Variants in ATP8A2 observed in about 807,000 individuals in gnomAD.
ATP8A2 encodes the protein ATPase phospholipid transporting 8A2.
Under a neutral mutation model 165.6 loss-of-function variants are expected in ATP8A2, and 100 were observed. The observed-to-expected ratio is 0.60, with a 90% CI of 0.51 to 0.71. The LOEUF is 0.71. ATP8A2 is among the 30% of genes least tolerant of loss of function. ATP8A2 has a pLI of 0.00. For missense variants in ATP8A2, 1,227 were observed against 1,479.5 expected (o/e 0.83, Z 2.80); for synonymous variants, 543 against 548.8 (o/e 0.99, Z 0.15).
intron 20 of ATP8A2, 50 bp downstream of exon 20, chr13:25,577,188 T>TAACA: frequency 1.4e-6 from 2 of 1,446,510 alleles, no homozygotes; most frequent in Non-Finnish European, 1.9e-6. Flanking sequence ...GCAGCTTTGT[T>TAACA]AATCTGCCGC....
At chr13:25,869,785 G>C (rs548668698) in intron 33 of ATP8A2, among the ~76,000 whole-genome samples, 35 of 152,320 alleles carry the variant, frequency 2.3e-4, no homozygotes, top group African/African-American at 8.2e-4. Flanking sequence ...TGGGCAGGCT[G>C]TGGGGTTCTG....
intron 1 of ATP8A2, among the ~76,000 whole-genome samples, chr13:25,427,530 G>T (rs1200841640): frequency 1.3e-5 from 2 of 151,936 alleles, no homozygotes; most frequent in African/African-American, 4.8e-5. Flanking sequence ...GGTCCCTGGT[G>T]CCAAAAAGGT....
chr13:25,720,089 A>G (rs1228406301), intron 25 of ATP8A2, among the ~76,000 whole-genome samples: 3 of 151,508 alleles, frequency 2.0e-5, no homozygotes, highest in African/African-American at 7.3e-5. Flanking sequence ...GAATTCTTGT[A>G]TAAAGTTACC....
chr13:25,570,264 G>T (rs75023461), intron 16 of ATP8A2, among the ~76,000 whole-genome samples: 1 of 152,234 alleles, frequency 6.6e-6, no homozygotes, highest in African/African-American at 2.4e-5. Flanking sequence ...TGTTTATGGG[G>T]CCTGAGGTAC....
chr13:25,902,388 A>T (rs1030791912), intron 33 of ATP8A2, among the ~76,000 whole-genome samples: 3 of 152,146 alleles, frequency 2.0e-5, no homozygotes, highest in African/African-American at 7.2e-5. Context: ...ATTTGTCCAA[A>T]TGACGGGTGT....
At chr13:25,832,087 G>A (rs1471267437) in intron 28 of ATP8A2, among the ~76,000 whole-genome samples, 1 of 151,682 alleles carries the variant, frequency 6.6e-6, no homozygotes, top group Non-Finnish European at 1.5e-5. Context: ...TTACAGGTGC[G>A]CACCACCACG....
chr13:25,378,591 G>A (rs913072229), intron 1 of ATP8A2, among the ~76,000 whole-genome samples: 1 of 152,130 alleles, frequency 6.6e-6, no homozygotes, highest in Non-Finnish European at 1.5e-5. Context: ...TTCAGAGTTG[G>A]TTAGTATGAG....
At chr13:25,435,912 C>CGTGTGT (rs148040890) in intron 1 of ATP8A2, among the ~76,000 whole-genome samples, 1 of 56,710 alleles carries the variant, frequency 1.8e-5, no homozygotes, top group Admixed American at 2.0e-4. Context: ...GAAAAAGCAT[C>CGTGTGT]GTGTGTGTGT....
At chr13:25,705,041 G>T in intron 25 of ATP8A2, 1 of 266,282 alleles carries the variant, frequency 3.8e-6, no homozygotes, top group Non-Finnish European at 7.3e-6. Context: ...AGTCTTGTAG[G>T]ATTTGTCATT....
In ATP8A2 at chr13:25,414,158, G is replaced by A. The variant is rs958086522; in HGVS notation, c.76+41870G>A. Among the ~76,000 whole-genome samples the A allele has an allele frequency of 7.3e-5, 11 of 150,058 alleles. 1 individual carries two copies. Among genetic ancestry groups the A allele is most frequent in the East Asian group, 5.8e-4 (3 of 5,142 alleles). ...TGATTACAACCTGGCACTTGACTCC[G>A]TGACTATCTTATCACAAGGGCTGTG... On this transcript the variant is annotated intron_variant, in intron 1 of 36. Transcript: ENST00000381655.
chr13:25,490,108 A>C (rs1222404177), intron 2 of ATP8A2, among the ~76,000 whole-genome samples: 1 of 152,156 alleles, frequency 6.6e-6, no homozygotes, highest in Non-Finnish European at 1.5e-5. Context: ...GGTATATTTG[A>C]GTAAGGGAAG....
chr13:25,975,817 T>G (rs1038838073), intron 35 of ATP8A2, among the ~76,000 whole-genome samples: 1 of 152,166 alleles, frequency 6.6e-6, no homozygotes, highest in East Asian at 1.9e-4. Flanking sequence ...TCTCTAAATA[T>G]TCCACGAGAC....
Position 25,737,080 on chromosome 13 carries a change from A to C in ATP8A2, c.2385-31966A>C, listed in dbSNP as rs150556403. Among the ~76,000 whole-genome samples the C allele has an allele frequency of 1.2e-3, 184 of 152,200 alleles. 3 individuals are homozygous for C. The East Asian group carries it at 0.031, about 26-fold the overall frequency. ...TTTTAGTGGAGGGTGGGGCAGAAGG[A>C]ATTTTAAGAGTGAACAAGAGGCAAG... On this transcript the variant is annotated intron_variant, in intron 25 of 36. Coordinates refer to ENST00000381655, the MANE Select transcript of ATP8A2 (RefSeq NM_016529.6).
intron 16 of ATP8A2, among the ~76,000 whole-genome samples, chr13:25,570,390 T>C (rs561092275): frequency 6.6e-6 from 1 of 151,944 alleles, no homozygotes; most frequent in East Asian, 1.9e-4. Context: ...TGGAAGCACG[T>C]GGTGAAGTGC....
At chr13:25,558,838 G>T in intron 13 of ATP8A2, 135 bp from the exon 14 acceptor site, 5 of 553,798 alleles carry the variant, frequency 9.0e-6, no homozygotes, top group Non-Finnish European at 1.6e-5. Flanking sequence ...TATATTTTTT[G>T]TTACTAATTT....
intron 1 of ATP8A2, among the ~76,000 whole-genome samples, chr13:25,465,702 T>C (rs1233456710): frequency 9.7e-5 from 2 of 20,720 alleles, no homozygotes; most frequent in African/African-American, 2.6e-4. Flanking sequence ...TTTCTTTCTT[T>C]CTTTCTTTCT....
intron 2 of ATP8A2, among the ~76,000 whole-genome samples, chr13:25,478,240 T>C (rs1435005759): frequency 6.6e-6 from 1 of 152,086 alleles, no homozygotes; most frequent in Non-Finnish European, 1.5e-5. Context: ...TCTGATCTAG[T>C]TGCTTAAGTT....
Position 25,490,401 on chromosome 13 carries a change from A to G in ATP8A2, c.221+21280A>G, listed in dbSNP as rs149386039. 5.0e-3 allele frequency among the ~76,000 whole-genome samples: 760 copies of G among 152,330 alleles called. 5 individuals carry two copies. The highest frequency in any genetic ancestry group is 0.018 in the African/African-American group (737 of 41,590). ...CAGGAGCCGGGGCTCCCATGCCTGA[A>G]GCTGCTGTCCTCCAGGAGCCTCAGA... On this transcript the variant is annotated intron_variant, in intron 2 of 36. Transcript: ENST00000381655.
intron 27 of ATP8A2, among the ~76,000 whole-genome samples, chr13:25,806,859 C>T (rs761194287): frequency 3.9e-5 from 6 of 152,120 alleles, no homozygotes; most frequent in Non-Finnish European, 7.4e-5. Context: ...TCTTTTTTTA[C>T]TATAACCATT....
Sources: allele counts gnomAD v4.1 joint callset (sites outside exome capture counted in the v4.1 genomes callset), GRCh38; gene constraint gnomAD v4.1.1; transcripts MANE v1.5; gene names NCBI Gene and HGNC (gene_info 2026-07-23, HGNC 2026-07-21).